Variants in WWC2 observed in about 807,000 individuals in gnomAD.
The protein encoded by WWC2 is WW and C2 domain containing 2, also known as protein WWC2.
Under a neutral mutation model 138.5 loss-of-function variants are expected in WWC2, and 101 were observed. The ratio of observed to expected loss-of-function variants is 0.73; its 90% confidence interval spans 0.62 to 0.86. The LOEUF (loss-of-function observed/expected upper bound fraction) is 0.86. Among genes scored for constraint, WWC2 ranks in the 40% least tolerant of loss-of-function variants. The pLI, the probability that WWC2 is intolerant of heterozygous loss-of-function variation, is 0.00. For synonymous variants in WWC2, 558 were observed against 538.4 expected (o/e 1.04, Z -0.50); for missense variants, 1,420 against 1,419.4 (o/e 1.00, Z -0.01).
At position 183,319,896 on chromosome 4, in the gene WWC2, C is replaced by T. The variant is rs769584109; in HGVS notation, c.*4167C>T. ...CCTCTTGAGATCTCTCTGACTCTCTCCAATTCTCAAACAGTCCAGGCCAAA... is the reference window on the plus strand; with the variant it reads ...CCTCTTGAGATCTCTCTGACTCTCTTCAATTCTCAAACAGTCCAGGCCAAA... On this transcript the variant is annotated 3_prime_UTR_variant, in exon 23 of 23. Transcript: ENST00000403733. 6.2e-7 allele frequency: 1 copy of T among 1,613,938 alleles called. No individual in the cohort carries two copies. The highest frequency in any genetic ancestry group is 8.5e-7 in the Non-Finnish European group (1 of 1,179,862).
At chr4:183,179,869 T>C (rs7665407) in intron 1 of WWC2, among the ~76,000 whole-genome samples, 150,575 of 152,272 alleles carry the variant, frequency 0.99, 74,472 homozygotes, top group Middle Eastern at 1. Flanking sequence ...CATGTATGTG[T>C]TTGGCATGCA....
Position 183,099,636 on chromosome 4 carries a change from GC to G in WWC2, c.131+15del. On this transcript the variant is annotated intron_variant, in intron 1 of 22. Transcript: ENST00000403733. ...CCCCCGGGACAGGTGGGCGCCGGCC[GC>G]GGGGGCGCGGGCCCGTTCGGACACG... is the stretch of plus-strand genomic sequence containing the variant. 7.6e-7 allele frequency: 1 copy of G among 1,318,882 alleles called. No homozygotes were observed. Among genetic ancestry groups the G allele is most frequent in the Non-Finnish European group, 9.8e-7 (1 of 1,017,148 alleles). 81.7% of individuals were successfully genotyped at this position (1,318,882 alleles called of 1,614,324 possible). A position where few individuals can be genotyped will look rare whatever the true frequency, so the allele number is the denominator to read the frequency against.
rs190316240 is a variant in WWC2 at position 183,118,077 on chromosome 4, A to T, written c.131+18455A>T. 2.1e-3 allele frequency among the ~76,000 whole-genome samples: 313 copies of T among 152,206 alleles called. 1 individual carries two copies. The highest frequency in any genetic ancestry group is 0.014 in the Middle Eastern group (4 of 294). On this transcript the variant is annotated intron_variant, in intron 1 of 22. Transcript: ENST00000403733. ...CCTCCCAAAGTGCTGGGATTACAGG[A>T]GTGAGCCACTGCGCCTGGCCGGTTA...
chr4:183,291,057 T>C (rs1470877658), intron 21 of WWC2, among the ~76,000 whole-genome samples: 1 of 152,210 alleles, frequency 6.6e-6, no homozygotes, highest in Non-Finnish European at 1.5e-5. Flanking sequence ...GTAGGACCGG[T>C]GTTTGCTCAG....
Position 183,244,578 on chromosome 4 carries a change from T to G in WWC2, c.603-838T>G, listed in dbSNP as rs995312960. On this transcript the variant is annotated intron_variant, in intron 5 of 22. Coordinates refer to ENST00000403733, the MANE Select transcript of WWC2 (RefSeq NM_024949.6). ...AAAAGCAGAATAAATATTATATATA[T>G]ATATATAGAGAGAGAGAGAGAAATA... Among the ~76,000 whole-genome samples the G allele has an allele frequency of 3.3e-5, 5 of 150,668 alleles. No individual in the cohort carries two copies. The South Asian group carries it at 6.2e-4, about 19-fold the overall frequency.
At chr4:183,274,516 C>T (rs1737790506) in intron 16 of WWC2, among the ~76,000 whole-genome samples, 1 of 152,096 alleles carries the variant, frequency 6.6e-6, no homozygotes. Flanking sequence ...GCACATGTCA[C>T]ACATGAGCAT....
chr4:183,272,730 A>G (rs1051554898), intron 16 of WWC2, among the ~76,000 whole-genome samples: 2 of 152,182 alleles, frequency 1.3e-5, no homozygotes, highest in Non-Finnish European at 2.9e-5. Context: ...CTTTTGTGGC[A>G]TCTTTCACTT....
chr4:183,146,510 T>G (rs1733465595), intron 1 of WWC2, among the ~76,000 whole-genome samples: 1 of 152,210 alleles, frequency 6.6e-6, no homozygotes, highest in Admixed American at 6.5e-5. Context: ...ATTCAGAGTT[T>G]GGGGGAGTTC....
In WWC2 at chr4:183,261,498, A is replaced by G. The variant is rs923687939; in HGVS notation, c.1875A>G (p.Glu625=). ...QSLSEDKDLN[E]CAREPLYEGT... ...TTTCAGAGGATAAAGACCTTAATGA[A>G]TGTGCTAGGGAGCCATTATATGAAG... The change falls in exon 11 of 23, where the codon GAA becomes GAG. Residue 625 remains glutamate (E), a synonymous_variant. Coordinates refer to ENST00000403733, the MANE Select transcript of WWC2 (RefSeq NM_024949.6). 3 of 1,612,678 alleles carry G rather than the reference A, an allele frequency of 1.9e-6. No individual in the cohort carries two copies. In the African/African-American group the frequency reaches 4.0e-5, roughly 22 times the overall value.
chr4:183,197,872 G>A (rs1011378710), intron 2 of WWC2, among the ~76,000 whole-genome samples: 10 of 152,112 alleles, frequency 6.6e-5, no homozygotes, highest in African/African-American at 1.9e-4. Flanking sequence ...AACTTTGTCC[G>A]TCACCCTGGT....
At chr4:183,126,848 C>T (rs995178759) in intron 1 of WWC2, among the ~76,000 whole-genome samples, 1 of 151,804 alleles carries the variant, frequency 6.6e-6, no homozygotes, top group East Asian at 1.9e-4. Flanking sequence ...TCTGCCTCAG[C>T]CTCCTGAGTA....
chr4:183,195,649 C>G (rs1198687905), intron 2 of WWC2, among the ~76,000 whole-genome samples: 1 of 152,176 alleles, frequency 6.6e-6, no homozygotes, highest in Non-Finnish European at 1.5e-5. Context: ...AAAACCAAAA[C>G]TGCAAAAGAA....
chr4:183,204,030 T>G (rs1322414964), intron 2 of WWC2, among the ~76,000 whole-genome samples: 1 of 152,152 alleles, frequency 6.6e-6, no homozygotes, highest in Non-Finnish European at 1.5e-5. Flanking sequence ...GAAAGTGGTT[T>G]ATGAAGGAAA....
rs543180582 is a variant in WWC2 at position 183,279,842 on chromosome 4, GT to G, written c.2563-931del. On this transcript the variant is annotated intron_variant, in intron 16 of 22. Coordinates refer to ENST00000403733, the MANE Select transcript of WWC2 (RefSeq NM_024949.6). ...CTTCTTTTTCTTTGATTTTTCAGCAGTTTCACTCTGATATGCTAATGTGATT... is the reference window on the plus strand; with the variant it reads ...CTTCTTTTTCTTTGATTTTTCAGCAGTTCACTCTGATATGCTAATGTGATT... 3.6e-3 allele frequency among the ~76,000 whole-genome samples: 552 copies of G among 152,132 alleles called. 6 individuals are homozygous for G. Among genetic ancestry groups the G allele is most frequent in the Middle Eastern group, 0.017 (5 of 294 alleles).
chr4:183,279,571 T>C (rs1039454154), intron 16 of WWC2, among the ~76,000 whole-genome samples: 1 of 152,166 alleles, frequency 6.6e-6, no homozygotes, highest in Non-Finnish European at 1.5e-5. Flanking sequence ...CTCCTTGTAC[T>C]TCTGGTAGAA....
Position 183,265,627 on chromosome 4 carries a change from G to T in WWC2, c.2040-61G>T, listed in dbSNP as rs573081328. 1.1e-5 allele frequency: 16 copies of T among 1,512,232 alleles called. No individual in the cohort carries two copies. The South Asian group carries it at 1.9e-4, about 18-fold the overall frequency. The allele number at this position is 1,512,232 out of a possible 1,614,324, so 93.7% of individuals were successfully genotyped here. A position where few individuals can be genotyped will look rare whatever the true frequency, so the allele number is the denominator to read the frequency against. ...ATTCAGAATCACTAAGTGGCAAACT[G>T]TTAACCATAACAATCGATAACCCCA... On this transcript the variant is annotated intron_variant, in intron 12 of 22. Coordinates refer to ENST00000403733, the MANE Select transcript of WWC2 (RefSeq NM_024949.6).
chr4:183,271,656 AGT>A (rs771937588), intron 16 of WWC2, among the ~76,000 whole-genome samples: 1 of 152,244 alleles, frequency 6.6e-6, no homozygotes, highest in African/African-American at 2.4e-5. Context: ...AAGCCAAAAC[AGT>A]GTGTTAGCTT....
At chr4:183,167,017 C>A (rs1443215655) in intron 1 of WWC2, among the ~76,000 whole-genome samples, 1 of 152,122 alleles carries the variant, frequency 6.6e-6, no homozygotes, top group Non-Finnish European at 1.5e-5. Flanking sequence ...TCTGTCCCAG[C>A]CTGTATGACG....
intron 4 of WWC2, among the ~76,000 whole-genome samples, chr4:183,235,476 A>G (rs1736393024): frequency 6.6e-6 from 1 of 152,178 alleles, no homozygotes; most frequent in East Asian, 1.9e-4. Flanking sequence ...CATAACTGAA[A>G]CTTTATTTCC....
Sources: gnomAD v4.1 joint callset for allele counts (sites outside exome capture counted in the v4.1 genomes callset) on GRCh38, gnomAD v4.1.1 for gene constraint, MANE v1.5 for transcripts, NCBI Gene and HGNC (gene_info 2026-07-23, HGNC 2026-07-21) for gene names.